DEPDC5: variants seen among roughly 807,000 people sequenced by gnomAD.
The protein encoded by DEPDC5 is GATOR1 complex protein DEPDC5.
Under a neutral mutation model 217.3 loss-of-function variants are expected in DEPDC5, and 73 were observed. That is an observed-to-expected ratio of 0.34 (90% confidence interval 0.28 to 0.41). The LOEUF is 0.41. DEPDC5 is among the 10% of genes least tolerant of loss of function. The pLI, the probability that DEPDC5 is intolerant of heterozygous loss-of-function variation, is 1.00. For synonymous variants in DEPDC5, 733 were observed against 756.7 expected (o/e 0.97, Z 0.51); for missense variants, 1,675 against 2,070.1 (o/e 0.81, Z 3.70).
At chr22:31,768,085 T>G (rs1033407810) in intron 6 of DEPDC5, among the ~76,000 whole-genome samples, 2 of 146,324 alleles carry the variant, frequency 1.4e-5, no homozygotes, top group Non-Finnish European at 3.0e-5. Flanking sequence ...ATTTTAATTG[T>G]TTTTTTTTTT....
chr22:31,780,020 G>C (rs1187160955), intron 8 of DEPDC5, among the ~76,000 whole-genome samples: 1 of 152,342 alleles, frequency 6.6e-6, no homozygotes. Flanking sequence ...TTGTCTTTCA[G>C]TTGGGTCTCT....
intron 38 of DEPDC5, 105 bp downstream of exon 38, chr22:31,879,857 G>A (rs2093127191): frequency 7.1e-6 from 8 of 1,124,122 alleles, no homozygotes; most frequent in Non-Finnish European, 1.0e-5. Flanking sequence ...GATTAGAGTC[G>A]CTGAGGCCGT....
At chr22:31,869,565 T>TAAA (rs3069117) in intron 33 of DEPDC5, among the ~76,000 whole-genome samples, 1 of 125,394 alleles carries the variant, frequency 8.0e-6, no homozygotes, top group Non-Finnish European at 1.6e-5. Flanking sequence ...AGTCTGTCTT[T>TAAA]AAAAAAAAAA....
intron 6 of DEPDC5, among the ~76,000 whole-genome samples, chr22:31,767,215 A>C (rs983720186): frequency 1.3e-5 from 2 of 150,786 alleles, no homozygotes; most frequent in South Asian, 4.2e-4. Context: ...ATCTTGGCTT[A>C]CTGTAACCTC....
At chr22:31,897,401 C>T (rs1162355446) in intron 39 of DEPDC5, 81 bp from the exon 40 acceptor site, 88 of 1,505,382 alleles carry the variant, frequency 5.8e-5, no homozygotes, top group Non-Finnish European at 7.2e-5. Context: ...GCCTTTCTGG[C>T]GGGTTTTCTC....
chr22:31,786,379 C>CT (rs1250654725), intron 10 of DEPDC5, among the ~76,000 whole-genome samples: 8 of 126,728 alleles, frequency 6.3e-5, no homozygotes, highest in Non-Finnish European at 9.5e-5. Flanking sequence ...ATATGGAAAA[C>CT]TTTGTCTCCA....
chr22:31,780,265 A>G (rs1398553197), intron 8 of DEPDC5, among the ~76,000 whole-genome samples: 3 of 152,208 alleles, frequency 2.0e-5, no homozygotes, highest in Non-Finnish European at 4.4e-5. Flanking sequence ...GATAGGGTCC[A>G]CAGAACTTGC....
chr22:31,759,221 C>T lies in DEPDC5; in HGVS notation c.146+588C>T, dbSNP rs555023620. 1.1e-4 allele frequency among the ~76,000 whole-genome samples: 16 copies of T among 151,930 alleles called. No homozygotes were observed. In the South Asian group the frequency reaches 2.3e-3, roughly 22 times the overall value. ...TGCTGGGATTACAGGTATGAGGCACCGCACCTGGCCTAATTTTTGTGTTTT... is the reference window on the plus strand; with the variant it reads ...TGCTGGGATTACAGGTATGAGGCACTGCACCTGGCCTAATTTTTGTGTTTT... On this transcript the variant is annotated intron_variant, in intron 3 of 42. Transcript: ENST00000651528.
intron 25 of DEPDC5, among the ~76,000 whole-genome samples, chr22:31,834,607 C>G (rs186188165): frequency 6.6e-6 from 1 of 151,612 alleles, no homozygotes. Context: ...ACCTCTGCCT[C>G]CCAGGTTCAA....
rs540482891 is a variant in DEPDC5 at position 31,807,053 on chromosome 22, A to G, written c.1287+862A>G. 2.6e-5 allele frequency among the ~76,000 whole-genome samples: 4 copies of G among 152,322 alleles called. No individual in the cohort carries two copies. The East Asian group carries it at 7.7e-4, about 29-fold the overall frequency. On this transcript the variant is annotated intron_variant, in intron 18 of 42. Transcript: ENST00000651528. ...AAGAAAATAAATGAAAATTGTAACA[A>G]GAGTGGGAATTCTTGTTTTCTTCTT...
At chr22:31,857,690 G>T (rs1602474177) in intron 32 of DEPDC5, 137 bp downstream of exon 32, 2 of 615,584 alleles carry the variant, frequency 3.2e-6, no homozygotes, top group Non-Finnish European at 5.5e-6. Context: ...CCCTTTAAAG[G>T]TTCTATTACT....
In DEPDC5 at chr22:31,833,971, C is replaced by A. The variant is rs568282457; in HGVS notation, c.2161C>A (p.Pro721Thr). The change falls in exon 25 of 43, where the codon CCA becomes ACA. Residue 721 changes from proline (P) to threonine (T), a missense_variant. Pro to Thr is a conservative substitution (Grantham distance 38). Transcript: ENST00000651528. ...DSLEDSVSTS[P>T]DPILTLSAPP... ...TCTAGAGGACAGTGTTTCTACCTCTCCAGACCCAAGTAAGAGGGGGCAGCT... is the reference window on the plus strand; with the variant it reads ...TCTAGAGGACAGTGTTTCTACCTCTACAGACCCAAGTAAGAGGGGGCAGCT... The A allele has an allele frequency of 1.2e-6, 2 of 1,613,504 alleles. No homozygotes were observed. Among genetic ancestry groups the A allele is most frequent in the Non-Finnish European group, 1.7e-6 (2 of 1,179,676 alleles).
At chr22:31,841,060 C>A (rs1197779172) in intron 27 of DEPDC5, among the ~76,000 whole-genome samples, 4 of 152,262 alleles carry the variant, frequency 2.6e-5, no homozygotes, top group African/African-American at 7.2e-5. Context: ...GTCTTCCCAA[C>A]AGCCAGCAGA....
intron 10 of DEPDC5, 86 bp downstream of exon 10, chr22:31,784,961 C>T: frequency 8.2e-7 from 1 of 1,218,564 alleles, no homozygotes; most frequent in Non-Finnish European, 1.2e-6. Context: ...TTAAATTGCC[C>T]TAAATTGAGC....
At position 31,897,616 on chromosome 22, in the gene DEPDC5, C is replaced by G; in HGVS notation, c.4338C>G (p.Ser1446Arg). 6.2e-7 allele frequency: 1 copy of G among 1,614,124 alleles called. No homozygotes were observed. Among genetic ancestry groups the G allele is most frequent in the Non-Finnish European group, 8.5e-7 (1 of 1,180,032 alleles). The change falls in exon 40 of 43, where the codon AGC (serine) becomes AGG (arginine). Residue 1446 changes from serine to arginine, a missense_variant. This residue lies in a region of DEPDC5 where 182 missense variants were observed against 290.1 expected (regional missense o/e 0.63). Transcript: ENST00000651528. The stretch of plus-strand genomic sequence containing the variant: ...AGCTCTTCATCCCACTCAACATCAG[C>G]TGCTTGCTCAAGGAGGGCAGCGAGC... ...RAQLFIPLNI[S>R]CLLKEGSEHL...
intron 37 of DEPDC5, among the ~76,000 whole-genome samples, chr22:31,878,763 G>T (rs1233867499): frequency 2.0e-5 from 3 of 151,854 alleles, no homozygotes; most frequent in Non-Finnish European, 4.4e-5. Context: ...TTAGGGCCGG[G>T]TACGGTGACA....
Position 31,873,240 on chromosome 22 carries a change from C to T in DEPDC5, c.3486-15C>T, listed in dbSNP as rs2092899917. ...GTGCCATCTTGCTTTGCTGACCTGA[C>T]ACCCTGTGTTACAGCTCTCAGCAGC... On this transcript the variant is annotated splice_polypyrimidine_tract_variant and intron_variant, in intron 34 of 42. Coordinates refer to ENST00000651528, the MANE Select transcript of DEPDC5 (RefSeq NM_001242896.3). The T allele has an allele frequency of 6.2e-7, 1 of 1,613,902 alleles. No individual in the cohort carries two copies. The highest frequency in any genetic ancestry group is 1.1e-5 in the South Asian group (1 of 91,080).
chr22:31,905,179 G>A (rs1336175121), intron 41 of DEPDC5, among the ~76,000 whole-genome samples: 3 of 151,942 alleles, frequency 2.0e-5, no homozygotes, highest in East Asian at 3.9e-4. Context: ...CCAGCTTGGC[G>A]TTCCTCTTTT....
At chr22:31,815,722 T>G (rs1378318488) in intron 21 of DEPDC5, 1 of 778,340 alleles carries the variant, frequency 1.3e-6, no homozygotes, top group Non-Finnish European at 1.9e-6. Context: ...TTTGTAGAGG[T>G]GGGGTTTTAC....
Sources: gnomAD v4.1 joint callset for allele counts (sites outside exome capture counted in the v4.1 genomes callset) on GRCh38, gnomAD v4.1.1 for gene constraint, gnomAD v4.1.1 regional missense constraint, MANE v1.5 for transcripts, NCBI Gene and HGNC (gene_info 2026-07-23, HGNC 2026-07-21) for gene names.